TEAD1: variants seen among roughly 807,000 people sequenced by gnomAD.
TEAD1 encodes the protein TEA domain transcription factor 1, also known as transcriptional enhancer factor TEF-1.
TEAD1 carries 9 observed loss-of-function variants against 54.9 expected under a neutral mutation model. That is an observed-to-expected ratio of 0.16 (90% CI 0.10 to 0.29). The LOEUF (loss-of-function observed/expected upper bound fraction) is 0.29. Among genes scored for constraint, TEAD1 ranks in the 10% least tolerant of loss-of-function variants. The pLI, the probability that TEAD1 is intolerant of heterozygous loss-of-function variation, is 1.00. For synonymous variants in TEAD1, 200 were observed against 187.8 expected, an observed-to-expected ratio of 1.07 and a Z score of -0.53; for missense variants, 387 against 535.9, an observed-to-expected ratio of 0.72 and a Z score of 2.74.
At chr11:12,699,320 T>C (rs1290209867) in intron 2 of TEAD1, among the ~76,000 whole-genome samples, 2 of 152,230 alleles carry the variant, frequency 1.3e-5, no homozygotes, top group African/African-American at 4.8e-5. Context: ...TTTTTTTCCC[T>C]AGCTTTTCTC....
intron 3 of TEAD1, among the ~76,000 whole-genome samples, chr11:12,800,614 A>T (rs948538328): frequency 2.6e-5 from 4 of 152,196 alleles, no homozygotes; most frequent in Non-Finnish European, 5.9e-5. Flanking sequence ...TGACCGCTGT[A>T]CTTAGCACAG....
intron 3 of TEAD1, among the ~76,000 whole-genome samples, chr11:12,786,109 C>A (rs1269223023): frequency 1.3e-5 from 2 of 152,128 alleles, no homozygotes; most frequent in Admixed American, 1.3e-4. Flanking sequence ...TACTTGTCTC[C>A]CAGGTGTCCA....
chr11:12,918,670 A>G (rs1213383617), intron 10 of TEAD1, among the ~76,000 whole-genome samples: 1 of 152,172 alleles, frequency 6.6e-6, no homozygotes, highest in Non-Finnish European at 1.5e-5. Context: ...ACACATCCAT[A>G]TGTCCCTCAA....
In TEAD1 at chr11:12,942,448, C is replaced by A. The variant is rs182524679; in HGVS notation, c.*5226C>A. On this transcript the variant is annotated 3_prime_UTR_variant, in exon 13 of 13. Coordinates refer to ENST00000527636, the MANE Select transcript of TEAD1 (RefSeq NM_021961.6). ...CATAGCACACTTCAGCGGAAGGACC[C>A]CAGAAACTGTTGTGTTTGTGTGTGC... 2 of 152,310 alleles carry A rather than the reference C, an allele frequency of 1.3e-5. No homozygotes were observed. The highest frequency in any genetic ancestry group is 6.5e-5 in the Admixed American group (1 of 15,298). The allele number at this position is 152,310 out of a possible 1,614,324, so 9.4% of individuals were successfully genotyped here. A position where few individuals can be genotyped will look rare whatever the true frequency, so the allele number is the denominator to read the frequency against.
chr11:12,825,920 A>G (rs1325083802), intron 3 of TEAD1, among the ~76,000 whole-genome samples: 2 of 152,242 alleles, frequency 1.3e-5, no homozygotes, highest in East Asian at 1.9e-4. Flanking sequence ...AAGCAATTCA[A>G]TTCAATAGTC....
At chr11:12,901,797 C>T in intron 9 of TEAD1, 143 bp from the exon 10 acceptor site, 5 of 909,464 alleles carry the variant, frequency 5.5e-6, no homozygotes, top group Non-Finnish European at 9.0e-6. Context: ...TAAACATACT[C>T]ATCATTTCAA....
chr11:12,829,586 T>C (rs1946730132), intron 3 of TEAD1, among the ~76,000 whole-genome samples: 1 of 152,176 alleles, frequency 6.6e-6, no homozygotes, highest in Non-Finnish European at 1.5e-5. Context: ...CTCATACTGA[T>C]CCTCTGGCTA....
At chr11:12,914,804 G>A (rs1049548824) in intron 10 of TEAD1, among the ~76,000 whole-genome samples, 3 of 152,238 alleles carry the variant, frequency 2.0e-5, no homozygotes, top group African/African-American at 7.2e-5. Flanking sequence ...CTGCAATGCC[G>A]CACTGCGTGC....
At chr11:12,831,096 C>T (rs1315830224) in intron 3 of TEAD1, among the ~76,000 whole-genome samples, 3 of 152,270 alleles carry the variant, frequency 2.0e-5, no homozygotes, top group East Asian at 3.9e-4. Context: ...GCAGACGAAG[C>T]TCTCTCTGCC....
At chr11:12,734,879 C>T (rs1012552245) in intron 2 of TEAD1, among the ~76,000 whole-genome samples, 1 of 152,208 alleles carries the variant, frequency 6.6e-6, no homozygotes, top group African/African-American at 2.4e-5. Flanking sequence ...TGCACATAAA[C>T]ACCTGTGCAT....
chr11:12,934,673 C>T (rs1318943771), intron 12 of TEAD1, among the ~76,000 whole-genome samples: 2 of 151,776 alleles, frequency 1.3e-5, no homozygotes, highest in Admixed American at 6.6e-5. Context: ...GTCACTTAGT[C>T]TTCAGACATC....
At chr11:12,894,768 C>T (rs985314909) in intron 9 of TEAD1, among the ~76,000 whole-genome samples, 18 of 152,110 alleles carry the variant, frequency 1.2e-4, no homozygotes, top group Admixed American at 7.2e-4. Context: ...TCAGAGGGAC[C>T]GTATTGATTT....
chr11:12,943,712 A>C lies in TEAD1; in HGVS notation c.*6490A>C, dbSNP rs925912066. ...CTTCCCCTTTCTTTAAGAGAGGCTG[A>C]CAGATCTAGGTGTCAATCAATTGGA... On this transcript the variant is annotated 3_prime_UTR_variant, in exon 13 of 13. Coordinates refer to ENST00000527636, the MANE Select transcript of TEAD1 (RefSeq NM_021961.6). 1.5e-4 allele frequency: 23 copies of C among 152,122 alleles called. No individual in the cohort carries two copies. Among genetic ancestry groups the C allele is most frequent in the African/African-American group, 5.3e-4 (22 of 41,500 alleles). The allele number at this position is 152,122 out of a possible 1,614,324, so 9.4% of individuals were successfully genotyped here. A position where few individuals can be genotyped will look rare whatever the true frequency, so the allele number is the denominator to read the frequency against.
intron 12 of TEAD1, among the ~76,000 whole-genome samples, chr11:12,933,583 T>G (rs1247390107): frequency 6.6e-6 from 1 of 152,162 alleles, no homozygotes; most frequent in Non-Finnish European, 1.5e-5. Flanking sequence ...CGTCCCCAAA[T>G]ATTTTCCAAT....
rs757589054 is a variant in TEAD1, at chr11:12,942,121, A to G, written c.*4899A>G. 6.6e-6 allele frequency: 1 copy of G among 152,636 alleles called. No homozygotes were observed. Among genetic ancestry groups the G allele is most frequent in the Non-Finnish European group, 1.5e-5 (1 of 68,030 alleles). 9.5% of individuals were successfully genotyped at this position (152,636 alleles called of 1,614,324 possible). ...TACCAAAACAAAAGGTTGCAACTTC[A>G]TAGTTTACTATGAAAAGCAAATTGT... On this transcript the variant is annotated 3_prime_UTR_variant, in exon 13 of 13. Coordinates refer to ENST00000527636, the MANE Select transcript of TEAD1 (RefSeq NM_021961.6).
At chr11:12,845,553 C>G (rs895615390) in intron 3 of TEAD1, among the ~76,000 whole-genome samples, 2 of 152,190 alleles carry the variant, frequency 1.3e-5, no homozygotes, top group African/African-American at 4.8e-5. Flanking sequence ...TAGTTTGTGT[C>G]TCAGTCTGTG....
intron 10 of TEAD1, among the ~76,000 whole-genome samples, chr11:12,914,803 C>T (rs929367598): frequency 1.3e-5 from 2 of 152,252 alleles, no homozygotes; most frequent in African/African-American, 2.4e-5. Context: ...GCTGCAATGC[C>T]GCACTGCGTG....
chr11:12,825,745 A>G (rs530121570), intron 3 of TEAD1, among the ~76,000 whole-genome samples: 1 of 152,342 alleles, frequency 6.6e-6, no homozygotes, highest in South Asian at 2.1e-4. Context: ...TATATTTCTT[A>G]GTTTCAAAAC....
intron 2 of TEAD1, among the ~76,000 whole-genome samples, chr11:12,699,351 G>A (rs978226124): frequency 6.6e-6 from 1 of 151,052 alleles, no homozygotes; most frequent in African/African-American, 2.4e-5. Flanking sequence ...TTAATGAATT[G>A]TAGAAACCGC....
Sources: allele counts gnomAD v4.1 joint callset (sites outside exome capture counted in the v4.1 genomes callset), GRCh38; gene constraint gnomAD v4.1.1; transcripts MANE v1.5; gene names NCBI Gene and HGNC (gene_info 2026-07-23, HGNC 2026-07-21).